KIAA0586: variants seen among roughly 807,000 people sequenced by gnomAD.
The protein encoded by KIAA0586 is protein TALPID3.
In KIAA0586, 144 loss-of-function variants were observed where a neutral mutation model predicts 169.8. The ratio of observed to expected loss-of-function variants is 0.85; its 90% CI spans 0.74 to 0.97. The LOEUF (loss-of-function observed/expected upper bound fraction) is 0.97, where lower values mean the gene tolerates loss of function less well. Among genes scored for constraint, KIAA0586 ranks in the 50% least tolerant of loss-of-function variants. The pLI, the probability that KIAA0586 is intolerant of heterozygous loss-of-function variation, is 0.00. For missense variants in KIAA0586, 1,854 were observed against 1,823.0 expected, an observed-to-expected ratio of 1.02 and a Z score of -0.31; for synonymous variants, 625 against 612.4, an observed-to-expected ratio of 1.02 and a Z score of -0.30.
chr14:58,557,330 G>A, the KIAA0586 span, among the ~76,000 whole-genome samples: 1 of 152,176 alleles, frequency 6.6e-6, no homozygotes, highest in Non-Finnish European at 1.5e-5. Context: ...GGAGTCAATG[G>A]TGGGTTTAAA....
At chr14:58,429,122 A>T (rs2037139521) in intron 1 of KIAA0586, among the ~76,000 whole-genome samples, 1 of 152,162 alleles carries the variant, frequency 6.6e-6, no homozygotes, top group Admixed American at 6.5e-5. Context: ...TTATATTTTA[A>T]AATGTTTCGT....
intron 16 of KIAA0586, among the ~76,000 whole-genome samples, chr14:58,469,429 A>C (rs971777664): frequency 5.3e-5 from 8 of 152,178 alleles, no homozygotes; most frequent in Non-Finnish European, 1.0e-4. Context: ...CTGACAGCGT[A>C]GGCCCACTAA....
At chr14:58,484,890 T>TTATATATATATAATATATA (rs2042276312) in intron 21 of KIAA0586, among the ~76,000 whole-genome samples, 1 of 32,288 alleles carries the variant, frequency 3.1e-5, no homozygotes, top group African/African-American at 1.3e-4. Context: ...ATATATATAT[T>TTATATATATATAATATATA]TATATATATA....
In KIAA0586 at chr14:58,435,877, T is replaced by G. The variant is rs563813070; in HGVS notation, c.410+3420T>G. ...CATGTGCCACCATGCCCGGCTGATT[T>G]TTTGTATTTTTAGTAGAGACGGGGT... On this transcript the variant is annotated intron_variant, in intron 4 of 30. Transcript: ENST00000652326. 1.2e-3 allele frequency among the ~76,000 whole-genome samples: 186 copies of G among 152,212 alleles called. 1 individual carries two copies. The highest frequency in any genetic ancestry group is 3.3e-3 in the African/African-American group (139 of 41,534).
chr14:58,557,471 G>GT, the KIAA0586 span, among the ~76,000 whole-genome samples: 19 of 152,208 alleles, frequency 1.2e-4, no homozygotes, highest in African/African-American at 4.6e-4. Flanking sequence ...CAAAAAGCTG[G>GT]TGCAGCAGTA....
chr14:58,460,312 T>C (rs936408751), intron 13 of KIAA0586, among the ~76,000 whole-genome samples: 13 of 152,144 alleles, frequency 8.5e-5, no homozygotes, highest in Admixed American at 8.5e-4. Flanking sequence ...TTTGTAGTTA[T>C]AGCAGGTATA....
At chr14:58,493,530 C>T (rs907191149) in intron 26 of KIAA0586, among the ~76,000 whole-genome samples, 4 of 152,010 alleles carry the variant, frequency 2.6e-5, no homozygotes, top group African/African-American at 9.7e-5. Flanking sequence ...AGCTGGAGAT[C>T]TGAAGACTAT....
At chr14:58,447,127 T>G (rs1743731) in intron 6 of KIAA0586, among the ~76,000 whole-genome samples, 149,875 of 152,318 alleles carry the variant, frequency 0.98, 73,780 homozygotes, top group East Asian at 1. Context: ...TGAAGTTTTG[T>G]TTACATACTG....
chr14:58,445,107 A>G (rs1201008200), intron 6 of KIAA0586, among the ~76,000 whole-genome samples: 1 of 148,600 alleles, frequency 6.7e-6, no homozygotes, highest in Non-Finnish European at 1.5e-5. Context: ...AAAAAGAACT[A>G]TATACACACA....
chr14:58,435,530 C>CT (rs2037754726), intron 4 of KIAA0586, among the ~76,000 whole-genome samples: 1 of 152,134 alleles, frequency 6.6e-6, no homozygotes, highest in Non-Finnish European at 1.5e-5. Context: ...ACTCATCCTA[C>CT]TATAGTCATT....
chr14:58,498,110 C>G (rs2141299654), intron 26 of KIAA0586, among the ~76,000 whole-genome samples: 1 of 152,086 alleles, frequency 6.6e-6, no homozygotes, highest in South Asian at 2.1e-4. Flanking sequence ...ATCTCCTGAC[C>G]TTGTGATCCG....
At chr14:58,481,235 T>C (rs1028286120) in intron 20 of KIAA0586, among the ~76,000 whole-genome samples, 2 of 152,226 alleles carry the variant, frequency 1.3e-5, no homozygotes, top group Admixed American at 6.5e-5. Flanking sequence ...CAGTACTCTT[T>C]GGTGAGGTCA....
chr14:58,492,932 A>G (rs2042924289), intron 26 of KIAA0586, among the ~76,000 whole-genome samples: 2 of 152,242 alleles, frequency 1.3e-5, no homozygotes. Context: ...AATCAGATAC[A>G]TCTGGAGAAG....
In KIAA0586 at chr14:58,498,868, CT is replaced by C. The variant is rs762932867; in HGVS notation, c.4077del (p.Leu1360SerfsTer44). ...GCAGAGAACATCTTAATGGGACATT[CT>C]CTCTATATGCAGCCACCTGTCACTA... Reference protein sequence around the residue: ...AAAENILMGHSLYMQPPVTNT... With the variant: ...AAAENILMGHXLYMQPPVTNT... On this transcript the variant is annotated frameshift_variant, in exon 27 of 31. Coordinates refer to ENST00000652326, the MANE Select transcript of KIAA0586 (RefSeq NM_001329943.3). LOFTEE classifies it high-confidence loss of function. 3 of 1,612,990 alleles carry C rather than the reference CT, an allele frequency of 1.9e-6. No individual in the cohort carries two copies. Among genetic ancestry groups the C allele is most frequent in the Non-Finnish European group, 2.5e-6 (3 of 1,179,414 alleles).
intron 9 of KIAA0586, among the ~76,000 whole-genome samples, chr14:58,455,169 TTC>T (rs1417458442): frequency 8.5e-5 from 13 of 152,214 alleles, no homozygotes; most frequent in African/African-American, 2.7e-4. Flanking sequence ...ACTGCAGAAT[TTC>T]TGTTTGTCTT....
At chr14:58,516,950 A>C (rs2044808147) in intron 29 of KIAA0586, among the ~76,000 whole-genome samples, 1 of 152,162 alleles carries the variant, frequency 6.6e-6, no homozygotes, top group African/African-American at 2.4e-5. Context: ...ATACAAAAAA[A>C]AGAACCTCAA....
chr14:58,510,444 C>T (rs2044309003), intron 28 of KIAA0586, among the ~76,000 whole-genome samples: 1 of 152,168 alleles, frequency 6.6e-6, no homozygotes, highest in South Asian at 2.1e-4. Flanking sequence ...GCTACCACCA[C>T]ACATCCATTA....
chr14:58,542,326 A>T (rs1216102696), intron 30 of KIAA0586, among the ~76,000 whole-genome samples: 2 of 152,066 alleles, frequency 1.3e-5, no homozygotes, highest in African/African-American at 2.4e-5. Flanking sequence ...AAAATACAAT[A>T]ATTAGCTGGG....
chr14:58,519,952 C>G (rs2045074074), intron 29 of KIAA0586, among the ~76,000 whole-genome samples: 1 of 152,184 alleles, frequency 6.6e-6, no homozygotes, highest in African/African-American at 2.4e-5. Context: ...CAAACAGCCA[C>G]AGTGGACTAA....
Sources: gnomAD v4.1 joint callset for allele counts (sites outside exome capture counted in the v4.1 genomes callset) on GRCh38, gnomAD v4.1.1 for gene constraint, MANE v1.5 for transcripts, NCBI Gene and HGNC (gene_info 2026-07-23, HGNC 2026-07-21) for gene names.